Variants in SLC7A2 observed in about 807,000 individuals in gnomAD.
SLC7A2 encodes solute carrier family 7 member 2.
SLC7A2 carries 48 observed loss-of-function variants against 58.9 expected under a neutral mutation model. The observed-to-expected ratio is 0.82, with a 90% CI of 0.65 to 1.04. The LOEUF (loss-of-function observed/expected upper bound fraction) is 1.04. Ranked by LOEUF, SLC7A2 falls within the 50% of genes least tolerant of loss-of-function variation. The probability of loss-of-function intolerance (pLI) is 0.00; values close to 1 mark genes in which losing one functional copy is unlikely to be tolerated. For missense variants in SLC7A2, 1,029 were observed against 818.8 expected, an observed-to-expected ratio of 1.26 and a Z score of -3.13; for synonymous variants, 363 against 314.5, an observed-to-expected ratio of 1.15 and a Z score of -1.63.
intron 2 of SLC7A2, among the ~76,000 whole-genome samples, chr8:17,512,585 T>C (rs949519713): frequency 2.0e-5 from 3 of 150,384 alleles, no homozygotes; most frequent in African/African-American, 7.3e-5. Flanking sequence ...TGGAGTGGAG[T>C]GAAAAATATA....
At chr8:17,551,404 G>A (rs907188317) in intron 6 of SLC7A2, among the ~76,000 whole-genome samples, 2 of 152,148 alleles carry the variant, frequency 1.3e-5, no homozygotes, top group Non-Finnish European at 2.9e-5. Flanking sequence ...TTAGAGACTA[G>A]ACTGGCCAAC....
At chr8:17,558,071 T>C (rs1185513476) in intron 8 of SLC7A2, among the ~76,000 whole-genome samples, 1 of 152,194 alleles carries the variant, frequency 6.6e-6, no homozygotes, top group Non-Finnish European at 1.5e-5. Context: ...GAATGCGCCT[T>C]GGATAGTTGC....
At chr8:17,535,161 C>A (rs1176425591) in intron 2 of SLC7A2, among the ~76,000 whole-genome samples, 1 of 152,120 alleles carries the variant, frequency 6.6e-6, no homozygotes, top group Non-Finnish European at 1.5e-5. Context: ...CTTGCATGGC[C>A]TAGGGACCCT....
rs528982685 is a variant in SLC7A2, at chr8:17,507,149, G to A, written c.-23+4847G>A. ...TTTAGTAGAGATGGGGTTTTACTAT[G>A]TTGGCCAGGATGGTCTTGATCTGCT... is the stretch of plus-strand genomic sequence containing the variant. On this transcript the variant is annotated intron_variant, in intron 2 of 12. Coordinates refer to ENST00000494857, the MANE Select transcript of SLC7A2 (RefSeq NM_001370338.1). 1.3e-4 allele frequency among the ~76,000 whole-genome samples: 20 copies of A among 152,046 alleles called. 1 individual carries two copies. The South Asian group carries it at 4.2e-3, about 32-fold the overall frequency.
At chr8:17,550,483 C>T (rs770922165) in intron 6 of SLC7A2, 49 bp downstream of exon 6, 25 of 1,566,896 alleles carry the variant, frequency 1.6e-5, no homozygotes, top group Middle Eastern at 1.9e-4. Context: ...CCTTGTTGTG[C>T]ACGAGTACCC....
rs1277922901 is a variant in SLC7A2, at chr8:17,552,603, CCAAT to C, written c.1055+620_1055+623del. Among the ~76,000 whole-genome samples the C allele has an allele frequency of 4.5e-3, 16 of 3,534 alleles. 6 individuals carry two copies. Among genetic ancestry groups the C allele is most frequent in the African/African-American group, 7.9e-3 (16 of 2,032 alleles). 2.3% of individuals were successfully genotyped at this position (3,534 alleles called of 152,430 possible). On this transcript the variant is annotated intron_variant, in intron 7 of 12. Transcript: ENST00000494857. ...TCATATAAATATGTGAAGGGAAGCA[CCAAT>C]CAGAGTGAAGTTGGTCTAGAAATAG...
rs765123546 is a variant in SLC7A2, at chr8:17,560,316, G to T, written c.1299-12G>T. On this transcript the variant is annotated splice_polypyrimidine_tract_variant and intron_variant, in intron 9 of 12. Transcript: ENST00000494857. Reference sequence around the variant, plus strand: ...TTTGAGAATAAAGACATAGATGTTTGTTTGGAAATAGGTACCAGCCTGGCT... The same window carrying T: ...TTTGAGAATAAAGACATAGATGTTTTTTTGGAAATAGGTACCAGCCTGGCT... The T allele has an allele frequency of 8.1e-6, 13 of 1,609,262 alleles. 1 individual carries two copies. In the South Asian group the frequency reaches 1.4e-4, roughly 18 times the overall value.
intron 1 of SLC7A2, among the ~76,000 whole-genome samples, chr8:17,497,665 G>A (rs542776398): frequency 6.6e-6 from 1 of 152,336 alleles, no homozygotes; most frequent in East Asian, 1.9e-4. Context: ...TCCTGGCCCT[G>A]CACGCTGCCG....
At chr8:17,555,401 A>G (rs1161904798) in intron 8 of SLC7A2, among the ~76,000 whole-genome samples, 5 of 152,166 alleles carry the variant, frequency 3.3e-5, no homozygotes, top group Non-Finnish European at 7.3e-5. Flanking sequence ...ATGAACTAGC[A>G]CACAAAATTA....
intron 2 of SLC7A2, among the ~76,000 whole-genome samples, chr8:17,536,982 TG>T (rs1472766040): frequency 6.6e-6 from 1 of 152,204 alleles, no homozygotes; most frequent in Non-Finnish European, 1.5e-5. Flanking sequence ...AGGCTCCTCT[TG>T]CCCTGCCTCC....
chr8:17,543,373 C>T lies in SLC7A2; in HGVS notation c.34C>T (p.Arg12Ter), dbSNP rs780579380. 15 of 1,613,904 alleles carry T rather than the reference C, an allele frequency of 9.3e-6. No homozygotes were observed. The highest frequency in any genetic ancestry group is 2.2e-5 in the East Asian group (1 of 44,882). Residue 12 changes from arginine (R) to a stop codon, truncating the protein, a stop_gained, in exon 3 of 13, where the codon CGA becomes TGA. Transcript: ENST00000494857. LOFTEE classifies it high-confidence loss of function. ...IPCRAALTFA[R>*]CLIRRKIVTL... ...TTGCAGAGCCGCGCTGACCTTTGCC[C>T]GATGTCTGATCCGGAGAAAAATCGT...
Position 17,550,425 on chromosome 8 carries a change from G to A in SLC7A2, c.823G>A (p.Ala275Thr), listed in dbSNP as rs757865256. Residue 275 changes from alanine to threonine, a missense_variant, in exon 6 of 13, where the codon GCA becomes ACA. Ala to Thr is a moderately conservative substitution (Grantham distance 58). Transcript: ENST00000494857. Reference sequence around the variant, plus strand: ...TGCCTTTGTGGGATTTGACTGCATTGCAACAACTGGTAAGAGCAGTGTCTT... The same window carrying A: ...TGCCTTTGTGGGATTTGACTGCATTACAACAACTGGTAAGAGCAGTGTCTT... ...FYAFVGFDCIATTGEEVRNPQ... is the reference protein window; with the variant it reads ...FYAFVGFDCITTTGEEVRNPQ... 6.2e-7 allele frequency: 1 copy of A among 1,613,416 alleles called. No homozygotes were observed. The highest frequency in any genetic ancestry group is 8.5e-7 in the Non-Finnish European group (1 of 1,179,672).
intron 2 of SLC7A2, among the ~76,000 whole-genome samples, chr8:17,507,546 A>G (rs1375078577): frequency 1.3e-5 from 2 of 152,158 alleles, no homozygotes; most frequent in African/African-American, 4.8e-5. Context: ...GATTTTGAAC[A>G]TCCACAATGC....
chr8:17,531,670 C>G (rs1801455928), intron 2 of SLC7A2, among the ~76,000 whole-genome samples: 1 of 151,612 alleles, frequency 6.6e-6, no homozygotes, highest in African/African-American at 2.4e-5. Flanking sequence ...AATCAAAATG[C>G]ATGTTTTTAG....
intron 2 of SLC7A2, among the ~76,000 whole-genome samples, chr8:17,516,598 G>A (rs1043515178): frequency 6.6e-6 from 1 of 152,158 alleles, no homozygotes; most frequent in African/African-American, 2.4e-5. Flanking sequence ...GTGGTAACTC[G>A]TAGAGATTAT....
At chr8:17,544,913 C>T (rs1438034486) in intron 4 of SLC7A2, among the ~76,000 whole-genome samples, 1 of 152,100 alleles carries the variant, frequency 6.6e-6, no homozygotes, top group East Asian at 1.9e-4. Flanking sequence ...GCGGTGGTTT[C>T]AGTAAGGAAG....
intron 9 of SLC7A2, 107 bp downstream of exon 9, chr8:17,558,504 A>T: frequency 3.2e-6 from 2 of 623,640 alleles, no homozygotes; most frequent in Non-Finnish European, 5.8e-6. Context: ...AGTCTCACCA[A>T]GGTGAGAGGT....
intron 2 of SLC7A2, among the ~76,000 whole-genome samples, chr8:17,510,229 A>AAATAATAATAATAATAAT (rs56122987): frequency 4.0e-5 from 6 of 149,276 alleles, no homozygotes; most frequent in African/African-American, 1.5e-4. Context: ...CAAAATAAAC[A>AAATAATAATAATAATAAT]AATAATAATA....
At chr8:17,545,835 C>T (rs2245491) in intron 4 of SLC7A2, among the ~76,000 whole-genome samples, 81,220 of 151,772 alleles carry the variant, frequency 0.54, 23,085 homozygotes, top group Admixed American at 0.64. Context: ...CTTTCTTGTC[C>T]GACCTTATCT....
Sources: allele counts gnomAD v4.1 joint callset (sites outside exome capture counted in the v4.1 genomes callset), GRCh38; gene constraint gnomAD v4.1.1; transcripts MANE v1.5; gene names NCBI Gene and HGNC (gene_info 2026-07-23, HGNC 2026-07-21).